Variants in AHCYL2 observed in about 807,000 individuals in gnomAD.
The protein encoded by AHCYL2 is adenosylhomocysteinase like 2.
Under a neutral mutation model 81.4 loss-of-function variants are expected in AHCYL2, and 28 were observed. The observed-to-expected ratio is 0.34, with a 90% confidence interval of 0.25 to 0.47. The LOEUF is 0.47. AHCYL2 is among the 20% of genes least tolerant of loss of function. The pLI is 1.00. For missense variants in AHCYL2, 551 were observed against 785.1 expected, an observed-to-expected ratio of 0.70 and a Z score of 3.56; for synonymous variants, 272 against 290.2, an observed-to-expected ratio of 0.94 and a Z score of 0.64.
At chr7:129,322,087 A>G (rs1798055311) in intron 1 of AHCYL2, among the ~76,000 whole-genome samples, 1 of 150,386 alleles carries the variant, frequency 6.6e-6, no homozygotes, top group South Asian at 2.1e-4. Context: ...GAATTCACCA[A>G]GTAAGCCTTC....
intron 1 of AHCYL2, among the ~76,000 whole-genome samples, chr7:129,228,982 G>A (rs35543406): frequency 1.3e-5 from 2 of 152,054 alleles, no homozygotes; most frequent in African/African-American, 4.8e-5. Context: ...CCTTTTGCCT[G>A]TTACAAGAGT....
intron 14 of AHCYL2, 51 bp from the exon 15 acceptor site, chr7:129,425,011 TG>T (rs1797294696): frequency 6.2e-7 from 1 of 1,613,194 alleles, no homozygotes; most frequent in East Asian, 2.2e-5. Context: ...TTCACTTGCT[TG>T]GGTAGATTGC....
chr7:129,225,769 A>G (rs545089971), intron 1 of AHCYL2, among the ~76,000 whole-genome samples: 1 of 152,316 alleles, frequency 6.6e-6, no homozygotes, highest in South Asian at 2.1e-4. Context: ...TTTCCAGCCT[A>G]TCGGGGAAGA....
intron 7 of AHCYL2, 114 bp downstream of exon 7, chr7:129,403,599 C>G (rs1174181552): frequency 5.4e-6 from 3 of 554,900 alleles, no homozygotes; most frequent in East Asian, 8.8e-5. Flanking sequence ...CGCGGTGGCT[C>G]ACGCCTGTAA....
chr7:129,307,414 GCA>G (rs1031462227), intron 1 of AHCYL2, among the ~76,000 whole-genome samples: 2 of 151,814 alleles, frequency 1.3e-5, no homozygotes, highest in Non-Finnish European at 2.9e-5. Context: ...GAGTACCAGG[GCA>G]CCACTGATGT....
chr7:129,261,232 T>G (rs1795627461), intron 1 of AHCYL2, among the ~76,000 whole-genome samples: 1 of 152,250 alleles, frequency 6.6e-6, no homozygotes, highest in Admixed American at 6.5e-5. Flanking sequence ...ATGATATCTC[T>G]TATATCTTTA....
At chr7:129,401,347 C>CG (rs1193458095) in intron 6 of AHCYL2, among the ~76,000 whole-genome samples, 14 of 150,942 alleles carry the variant, frequency 9.3e-5, no homozygotes, top group Middle Eastern at 3.4e-3. Flanking sequence ...GTGCCCCCCC[C>CG]CAAAAAAGCT....
At chr7:129,241,511 A>C (rs1287386177) in intron 1 of AHCYL2, among the ~76,000 whole-genome samples, 2 of 152,224 alleles carry the variant, frequency 1.3e-5, no homozygotes, top group East Asian at 1.9e-4. Context: ...GAATCACTTT[A>C]ACTCGGGAGG....
At chr7:129,277,520 T>A (rs1796266810) in intron 1 of AHCYL2, among the ~76,000 whole-genome samples, 1 of 152,100 alleles carries the variant, frequency 6.6e-6, no homozygotes, top group Admixed American at 6.5e-5. Context: ...GCTCAGGCAA[T>A]CCACCTGCCT....
At chr7:129,307,935 G>T (rs751597849) in intron 1 of AHCYL2, among the ~76,000 whole-genome samples, 1 of 151,804 alleles carries the variant, frequency 6.6e-6, no homozygotes, top group African/African-American at 2.4e-5. Flanking sequence ...CTTTCCTACT[G>T]TGGCTGAACT....
At position 129,352,383 on chromosome 7, in the gene AHCYL2, C is replaced by T. The variant is rs1052469083; in HGVS notation, c.364-27255C>T. 5.9e-5 allele frequency among the ~76,000 whole-genome samples: 9 copies of T among 152,174 alleles called. No homozygotes were observed. The East Asian group carries it at 1.7e-3, about 29-fold the overall frequency. ...GCTTGACAGCTTCCAGTCAAGCTGT[C>T]CCCGGTGTAGACCTCGTATTTGAGC... On this transcript the variant is annotated intron_variant, in intron 1 of 16. Coordinates refer to ENST00000325006, the MANE Select transcript of AHCYL2 (RefSeq NM_015328.4).
chr7:129,233,199 T>C (rs1261020369), intron 1 of AHCYL2, among the ~76,000 whole-genome samples: 1 of 152,208 alleles, frequency 6.6e-6, no homozygotes, highest in Non-Finnish European at 1.5e-5. Context: ...TTTTCTTTTT[T>C]ACTGAGACAA....
At chr7:129,321,766 G>GTTTTTTT (rs1315391980) in intron 1 of AHCYL2, among the ~76,000 whole-genome samples, 11 of 107,464 alleles carry the variant, frequency 1.0e-4, no homozygotes, top group South Asian at 3.2e-4. Flanking sequence ...TTTTTTTTTG[G>GTTTTTTT]TCTTGGTTTT....
At chr7:129,231,317 A>G (rs1794429901) in intron 1 of AHCYL2, among the ~76,000 whole-genome samples, 1 of 152,138 alleles carries the variant, frequency 6.6e-6, no homozygotes, top group Admixed American at 6.6e-5. Context: ...GACAATTACT[A>G]CTACTACTAC....
chr7:129,379,482 A>G (rs535027244), intron 1 of AHCYL2, among the ~76,000 whole-genome samples, 156 bp from the exon 2 acceptor site: 6 of 152,192 alleles, frequency 3.9e-5, no homozygotes, highest in African/African-American at 1.4e-4. Context: ...AGAATGAAAA[A>G]GTATTCTTAT....
intron 1 of AHCYL2, among the ~76,000 whole-genome samples, chr7:129,328,195 TGA>T (rs1214346478): frequency 6.6e-6 from 1 of 152,204 alleles, no homozygotes; most frequent in Non-Finnish European, 1.5e-5. Flanking sequence ...TTGTTTGTTT[TGA>T]GAGAGAGTCT....
At chr7:129,310,961 A>G (rs746709764) in intron 1 of AHCYL2, among the ~76,000 whole-genome samples, 53 of 152,024 alleles carry the variant, frequency 3.5e-4, no homozygotes, top group Non-Finnish European at 6.8e-4. Flanking sequence ...AATTACAATT[A>G]GCCAGGTGTG....
intron 1 of AHCYL2, among the ~76,000 whole-genome samples, chr7:129,291,566 A>G (rs1796863448): frequency 6.7e-6 from 1 of 150,268 alleles, no homozygotes. Context: ...GAATTTTATA[A>G]TCATGTGAAT....
rs576117342 is a variant in AHCYL2, at chr7:129,316,802, A to T, written c.364-62836A>T. On this transcript the variant is annotated intron_variant, in intron 1 of 16. Coordinates refer to ENST00000325006, the MANE Select transcript of AHCYL2 (RefSeq NM_015328.4). ...CCCTTTGGAATAGAATGATGGAGGA[A>T]TTCGGCCAAATGTAAATGTAAAACA... Among the ~76,000 whole-genome samples the T allele has an allele frequency of 1.6e-4, 25 of 152,308 alleles. 2 individuals are homozygous for T. The South Asian group carries it at 5.0e-3, about 30-fold the overall frequency.
Sources: allele counts gnomAD v4.1 joint callset (sites outside exome capture counted in the v4.1 genomes callset), GRCh38; gene constraint gnomAD v4.1.1; transcripts MANE v1.5; gene names NCBI Gene and HGNC (gene_info 2026-07-23, HGNC 2026-07-21).